Variants in AGBL1 observed in about 807,000 individuals in gnomAD.
The protein encoded by AGBL1 is AGBL carboxypeptidase 1, also known as cytosolic carboxypeptidase 4.
A neutral mutation model predicts 118.9 loss-of-function variants in AGBL1; 130 were observed. The ratio of observed to expected loss-of-function variants is 1.09; its 90% confidence interval spans 0.95 to 1.26. The LOEUF is 1.26. AGBL1 is among the 50% of genes most tolerant of loss of function. The pLI is 0.00. For synonymous variants in AGBL1, 555 were observed against 478.9 expected, an observed-to-expected ratio of 1.16 and a Z score of -2.08; for missense variants, 1,584 against 1,298.1, an observed-to-expected ratio of 1.22 and a Z score of -3.38.
At chr15:86,906,646 T>C (rs933288601) in intron 22 of AGBL1, among the ~76,000 whole-genome samples, 1 of 152,214 alleles carries the variant, frequency 6.6e-6, no homozygotes, top group African/African-American at 2.4e-5. Context: ...TGACATGGCA[T>C]TCTCAGACAC....
In AGBL1 at chr15:86,810,546, A is replaced by G. The variant is rs529150739; in HGVS notation, c.3159-96541A>G. 4.6e-5 allele frequency among the ~76,000 whole-genome samples: 7 copies of G among 152,284 alleles called. No individual in the cohort carries two copies. The South Asian group carries it at 1.4e-3, about 32-fold the overall frequency. On this transcript the variant is annotated intron_variant, in intron 22 of 22. Coordinates refer to ENST00000614907, the MANE Select transcript of AGBL1 (RefSeq NM_001386094.1). ...GACAGGATAATACACTAGGAAATAT[A>G]CTGTGGGGAATATTATAGTCCTGGC...
At chr15:86,464,251 G>A (rs889234728) in intron 18 of AGBL1, among the ~76,000 whole-genome samples, 1 of 152,104 alleles carries the variant, frequency 6.6e-6, no homozygotes, top group African/African-American at 2.4e-5. Context: ...GTCTATTATT[G>A]GTGTATAGGA....
intron 18 of AGBL1, among the ~76,000 whole-genome samples, chr15:86,466,690 T>G (rs2082412746): frequency 6.6e-6 from 1 of 152,252 alleles, no homozygotes; most frequent in African/African-American, 2.4e-5. Context: ...GTGGTCGTCC[T>G]TTTTGTTGAT....
intron 22 of AGBL1, among the ~76,000 whole-genome samples, chr15:86,724,098 C>T (rs924983338): frequency 2.0e-5 from 3 of 151,656 alleles, no homozygotes; most frequent in Non-Finnish European, 4.4e-5. Context: ...TAGCCGGGTG[C>T]GGTGGCGGGC....
At chr15:86,221,546 G>A (rs2141919599) in intron 5 of AGBL1, among the ~76,000 whole-genome samples, 1 of 152,218 alleles carries the variant, frequency 6.6e-6, no homozygotes, top group Non-Finnish European at 1.5e-5. Flanking sequence ...TGATGAGAGT[G>A]GACCAGCGCT....
chr15:86,410,061 A>G (rs2142007795), intron 18 of AGBL1, among the ~76,000 whole-genome samples: 1 of 152,310 alleles, frequency 6.6e-6, no homozygotes, highest in Middle Eastern at 3.4e-3. Context: ...TATAATATAG[A>G]TAAGTTATTT....
chr15:86,780,948 A>G (rs1003578129), intron 22 of AGBL1, among the ~76,000 whole-genome samples: 2 of 152,158 alleles, frequency 1.3e-5, no homozygotes, highest in Non-Finnish European at 2.9e-5. Flanking sequence ...GATTACAGGC[A>G]TGAGCCACTG....
chr15:86,455,453 C>A (rs1005001199), intron 18 of AGBL1, among the ~76,000 whole-genome samples: 1 of 152,058 alleles, frequency 6.6e-6, no homozygotes, highest in African/African-American at 2.4e-5. Flanking sequence ...AGATATCCTG[C>A]TTCCCAATTG....
At chr15:86,651,765 A>C (rs1035144394) in intron 21 of AGBL1, among the ~76,000 whole-genome samples, 1 of 152,158 alleles carries the variant, frequency 6.6e-6, no homozygotes, top group Non-Finnish European at 1.5e-5. Flanking sequence ...TAAACCTGCC[A>C]CTGAGTACGT....
intron 24 of AGBL1, among the ~76,000 whole-genome samples, chr15:86,999,000 T>G (rs901218676): frequency 2.6e-5 from 4 of 151,168 alleles, no homozygotes; most frequent in African/African-American, 9.8e-5. Flanking sequence ...CTACTAATGC[T>G]ATCCCTTCCC....
At chr15:86,584,809 C>T (rs1020174066) in intron 21 of AGBL1, among the ~76,000 whole-genome samples, 3 of 152,112 alleles carry the variant, frequency 2.0e-5, no homozygotes, top group Non-Finnish European at 2.9e-5. Flanking sequence ...TCTTCCAATC[C>T]ATGAGTATGG....
At chr15:86,978,145 T>A (rs2081193490) in intron 23 of AGBL1, among the ~76,000 whole-genome samples, 1 of 152,178 alleles carries the variant, frequency 6.6e-6, no homozygotes, top group Admixed American at 6.5e-5. Flanking sequence ...ACCTAACCAC[T>A]ATTGTCTGTT....
At chr15:86,532,358 C>G (rs1347355141) in intron 19 of AGBL1, among the ~76,000 whole-genome samples, 3 of 150,658 alleles carry the variant, frequency 2.0e-5, no homozygotes, top group Non-Finnish European at 4.4e-5. Context: ...CTCCCATTCA[C>G]AATTGCTTCA....
At chr15:86,144,943 G>A (rs961797104) in intron 3 of AGBL1, among the ~76,000 whole-genome samples, 1 of 152,212 alleles carries the variant, frequency 6.6e-6, no homozygotes, top group Non-Finnish European at 1.5e-5. Context: ...CAAAATCAAG[G>A]TGTTGGCAGG....
intron 22 of AGBL1, among the ~76,000 whole-genome samples, chr15:86,708,150 T>C (rs911441906): frequency 6.6e-6 from 1 of 152,128 alleles, no homozygotes; most frequent in Non-Finnish European, 1.5e-5. Flanking sequence ...CGTGCTCTCC[T>C]CTCTCCAAAT....
intron 18 of AGBL1, among the ~76,000 whole-genome samples, chr15:86,447,723 G>A (rs2082140257): frequency 6.6e-6 from 1 of 152,096 alleles, no homozygotes. Context: ...TATCTGGTAG[G>A]GCCAAGCACT....
At chr15:87,031,468 CT>C (rs2081781806), downstream of AGBL1, among the ~76,000 whole-genome samples, 1 of 142,282 alleles carries the variant, frequency 7.0e-6, no homozygotes, top group Non-Finnish European at 1.5e-5. Context: ...ATGATTTTTT[CT>C]TTAACATGAG....
At chr15:86,625,934 T>C (rs1279015198) in intron 21 of AGBL1, among the ~76,000 whole-genome samples, 1 of 151,830 alleles carries the variant, frequency 6.6e-6, no homozygotes, top group African/African-American at 2.4e-5. Flanking sequence ...CTGTATCCCA[T>C]TGGTGGAACT....
chr15:86,724,747 C>G (rs746211641), intron 22 of AGBL1, among the ~76,000 whole-genome samples: 125 of 152,114 alleles, frequency 8.2e-4, no homozygotes, highest in Non-Finnish European at 3.7e-4. Flanking sequence ...TGGCTTGGTG[C>G]TATCCCTTCA....
Sources: gnomAD v4.1 joint callset for allele counts (sites outside exome capture counted in the v4.1 genomes callset) on GRCh38, gnomAD v4.1.1 for gene constraint, MANE v1.5 for transcripts, NCBI Gene and HGNC (gene_info 2026-07-23, HGNC 2026-07-21) for gene names.